Variants in EHBP1 observed in about 807,000 individuals in gnomAD.
The protein encoded by EHBP1 is EH domain binding protein 1, also known as EH domain-binding protein 1.
Under a neutral mutation model 144.0 loss-of-function variants are expected in EHBP1, and 55 were observed. The ratio of observed to expected loss-of-function variants is 0.38; its 90% CI spans 0.31 to 0.48. The LOEUF (loss-of-function observed/expected upper bound fraction) is 0.48. Among genes scored for constraint, EHBP1 ranks in the 20% least tolerant of loss-of-function variants. The probability of loss-of-function intolerance (pLI) is 0.98; values close to 1 mark genes in which losing one functional copy is unlikely to be tolerated. For synonymous variants in EHBP1, 469 were observed against 472.7 expected, an observed-to-expected ratio of 0.99 and a Z score of 0.10; for missense variants, 1,200 against 1,364.2, an observed-to-expected ratio of 0.88 and a Z score of 1.90.
At chr2:62,940,123 C>T in intron 10 of EHBP1, 1 of 415,610 alleles carries the variant, frequency 2.4e-6, no homozygotes, top group Non-Finnish European at 4.8e-6. Flanking sequence ...AGAATCACTA[C>T]AAGAAAAACG....
At chr2:62,829,535 A>G (rs1256625718) in intron 6 of EHBP1, among the ~76,000 whole-genome samples, 11 of 149,368 alleles carry the variant, frequency 7.4e-5, no homozygotes, top group Non-Finnish European at 1.5e-5. Flanking sequence ...AAATGCCATT[A>G]TTTTGTTCCT....
At chr2:62,842,212 G>A (rs1310660036) in intron 7 of EHBP1, among the ~76,000 whole-genome samples, 5 of 151,890 alleles carry the variant, frequency 3.3e-5, no homozygotes, top group Admixed American at 6.6e-5. Flanking sequence ...TCAGCCTCCC[G>A]AGTAGCTGGG....
At chr2:62,721,150 T>C (rs557367775) in intron 2 of EHBP1, among the ~76,000 whole-genome samples, 2 of 152,180 alleles carry the variant, frequency 1.3e-5, no homozygotes, top group African/African-American at 4.8e-5. Flanking sequence ...TTTTAGTCTT[T>C]TTTTGTTTTT....
chr2:62,756,453 AGTATGTTCAT>A (rs1172162609), intron 3 of EHBP1, among the ~76,000 whole-genome samples: 1 of 152,168 alleles, frequency 6.6e-6, no homozygotes, highest in Admixed American at 6.5e-5. Context: ...AGTATGATGC[AGTATGTTCAT>A]GTATTTATGA....
In EHBP1 at chr2:62,900,659, G is replaced by A. The variant is rs1356143171; in HGVS notation, c.1185+26127G>A. On this transcript the variant is annotated intron_variant, in intron 10 of 22. Coordinates refer to ENST00000431489, the MANE Select transcript of EHBP1 (RefSeq NM_001142616.3). ...AAAAGGTTGGGAGGAAGTGTTTTTT[G>A]TTTTTTGTGGGTGTGTGTGTATGTG... 2.9e-5 allele frequency among the ~76,000 whole-genome samples: 4 copies of A among 140,168 alleles called. No homozygotes were observed. In the East Asian group the frequency reaches 5.9e-4, roughly 21 times the overall value. 92.0% of individuals were successfully genotyped at this position (140,168 alleles called of 152,430 possible). A position where few individuals can be genotyped will look rare whatever the true frequency, so the allele number is the denominator to read the frequency against.
At chr2:63,029,868 A>T (rs893760735) in intron 19 of EHBP1, among the ~76,000 whole-genome samples, 1 of 152,176 alleles carries the variant, frequency 6.6e-6, no homozygotes, top group African/African-American at 2.4e-5. Flanking sequence ...AGCTGGGATT[A>T]CAGGCACACG....
intron 5 of EHBP1, among the ~76,000 whole-genome samples, chr2:62,793,018 A>G (rs866602720): frequency 2.6e-5 from 4 of 152,048 alleles, no homozygotes; most frequent in South Asian, 2.1e-4. Flanking sequence ...AAAAAGGAAA[A>G]TTATCTATAA....
At chr2:62,853,924 GCTTAAAATATT>G (rs1157280607) in intron 7 of EHBP1, among the ~76,000 whole-genome samples, 7 of 152,138 alleles carry the variant, frequency 4.6e-5, no homozygotes, top group African/African-American at 1.7e-4. Context: ...TCAACAATGG[GCTTAAAATATT>G]CAGTAAGCCA....
intron 2 of EHBP1, 88 bp downstream of exon 2, chr2:62,707,383 C>T (rs921617591): frequency 2.1e-6 from 2 of 954,432 alleles, no homozygotes; most frequent in African/African-American, 1.6e-5. Context: ...GTATATTTAC[C>T]TTTCTATAGT....
At chr2:62,787,755 A>G (rs2042913497) in intron 5 of EHBP1, among the ~76,000 whole-genome samples, 1 of 152,264 alleles carries the variant, frequency 6.6e-6, no homozygotes, top group Admixed American at 6.5e-5. Context: ...CAAGATCCAC[A>G]CACATAATCT....
intron 12 of EHBP1, among the ~76,000 whole-genome samples, chr2:62,946,037 AG>A (rs1396201674): frequency 6.6e-6 from 1 of 152,220 alleles, no homozygotes; most frequent in Non-Finnish European, 1.5e-5. Context: ...TGGGTGTGGC[AG>A]TGCTTTACCT....
chr2:62,826,097 C>T lies in EHBP1; in HGVS notation c.323C>T (p.Ser108Phe). Reference sequence around the variant, plus strand: ...TCTTTAATCTTCCAGGAATCCCCTTCTGGTCGAAGGAAAGCTCTTGCTACT... The same window carrying T: ...TCTTTAATCTTCCAGGAATCCCCTTTTGGTCGAAGGAAAGCTCTTGCTACT... ...WTFVIENESP[S>F]GRRKALATSS... The change falls in exon 6 of 23, where the codon TCT becomes TTT. Residue 108 changes from serine (S) to phenylalanine (F), a missense_variant. Coordinates refer to ENST00000431489, the MANE Select transcript of EHBP1 (RefSeq NM_001142616.3). 2 of 1,478,058 alleles carry T rather than the reference C, an allele frequency of 1.4e-6. No individual in the cohort carries two copies. Among genetic ancestry groups the T allele is most frequent in the Non-Finnish European group, 1.8e-6 (2 of 1,112,984 alleles). 91.6% of individuals were successfully genotyped at this position (1,478,058 alleles called of 1,614,324 possible).
At chr2:62,758,977 A>G (rs886930729) in intron 3 of EHBP1, among the ~76,000 whole-genome samples, 1 of 152,264 alleles carries the variant, frequency 6.6e-6, no homozygotes, top group Non-Finnish European at 1.5e-5. Context: ...TCAATTTTAC[A>G]GGAATCAGAA....
chr2:62,680,255 A>G (rs756856524), intron 1 of EHBP1, among the ~76,000 whole-genome samples: 24 of 152,044 alleles, frequency 1.6e-4, no homozygotes, highest in Non-Finnish European at 3.4e-4. Context: ...CTCCCCTCTC[A>G]TTTTCAGTGC....
At chr2:62,797,196 C>G (rs1221494980) in intron 5 of EHBP1, among the ~76,000 whole-genome samples, 1 of 152,168 alleles carries the variant, frequency 6.6e-6, no homozygotes, top group East Asian at 1.9e-4. Flanking sequence ...AGTTCTGACT[C>G]TTAGCTATGC....
intron 2 of EHBP1, among the ~76,000 whole-genome samples, chr2:62,735,194 C>T (rs530569236): frequency 6.6e-6 from 1 of 152,188 alleles, no homozygotes; most frequent in African/African-American, 2.4e-5. Flanking sequence ...CATTCCTGGC[C>T]CCTTTTGTGG....
chr2:62,732,161 CT>C (rs1359614324), intron 2 of EHBP1, among the ~76,000 whole-genome samples: 1 of 151,906 alleles, frequency 6.6e-6, no homozygotes, highest in Non-Finnish European at 1.5e-5. Flanking sequence ...CAATATTTTC[CT>C]TTGTGTTTGA....
chr2:63,001,673 C>T (rs1174636685), intron 19 of EHBP1, among the ~76,000 whole-genome samples: 3 of 151,982 alleles, frequency 2.0e-5, no homozygotes, highest in African/African-American at 4.8e-5. Context: ...TAATAAACAC[C>T]TTTTTCAGAT....
At chr2:62,728,940 A>G (rs959521008) in intron 2 of EHBP1, among the ~76,000 whole-genome samples, 1 of 151,932 alleles carries the variant, frequency 6.6e-6, no homozygotes, top group Admixed American at 6.6e-5. Context: ...ATTTTTGTGT[A>G]TGGTGTAAGG....
Sources: gnomAD v4.1 joint callset for allele counts (sites outside exome capture counted in the v4.1 genomes callset) on GRCh38, gnomAD v4.1.1 for gene constraint, MANE v1.5 for transcripts, NCBI Gene and HGNC (gene_info 2026-07-23, HGNC 2026-07-21) for gene names.